DNAH2: variants seen among roughly 807,000 people sequenced by gnomAD.
DNAH2 encodes the protein dynein axonemal heavy chain 2, also known as axonemal beta dynein heavy chain 2.
Under a neutral mutation model 523.5 loss-of-function variants are expected in DNAH2, and 323 were observed. The ratio of observed to expected loss-of-function variants is 0.62; its 90% CI spans 0.56 to 0.68. The LOEUF (loss-of-function observed/expected upper bound fraction) is 0.68. Among genes scored for constraint, DNAH2 ranks in the 30% least tolerant of loss-of-function variants. The probability of loss-of-function intolerance (pLI) is 0.00; values close to 1 mark genes in which losing one functional copy is unlikely to be tolerated. For synonymous variants in DNAH2, 2,093 were observed against 2,177.4 expected, an observed-to-expected ratio of 0.96 and a Z score of 1.08; for missense variants, 4,907 against 5,701.5, an observed-to-expected ratio of 0.86 and a Z score of 4.49.
chr17:7,779,256 G>T lies in DNAH2; in HGVS notation c.5555G>T (p.Gly1852Val), dbSNP rs2076540275. 6.2e-7 allele frequency: 1 copy of T among 1,613,926 alleles called. No individual in the cohort carries two copies. The highest frequency in any genetic ancestry group is 1.7e-5 in the Admixed American group (1 of 60,000). The change falls in exon 36 of 86, where the codon GGC becomes GTC. Residue 1852 changes from glycine (G) to valine (V), a missense_variant. Gly to Val is a moderately radical substitution (Grantham distance 109). Coordinates refer to ENST00000572933, the MANE Select transcript of DNAH2 (RefSeq NM_020877.5). ...TGCACCCCGCAGACTGGAGCTTGGG[G>T]CTGCTTTGATGAGTTTAACCGCATC... ...YSGLAQTGAWGCFDEFNRINI... is the reference protein window; with the variant it reads ...YSGLAQTGAWVCFDEFNRINI...
At position 7,797,442 on chromosome 17, in the gene DNAH2, C is replaced by T; in HGVS notation, c.7992C>T (p.Ala2664=). 6.2e-7 allele frequency: 1 copy of T among 1,614,192 alleles called. No homozygotes were observed. The highest frequency in any genetic ancestry group is 1.1e-5 in the South Asian group (1 of 91,090). The change falls in exon 52 of 86, where the codon GCC becomes GCT. Residue 2664 remains alanine, a synonymous_variant. Transcript: ENST00000572933. ...DRLVDAADTE[A]FMGIISDKLG... ...TGGTTGATGCGGCAGACACAGAAGC[C>T]TTCATGGGCATCATAAGCGACAAGC...
chr17:7,780,051 G>C lies in DNAH2; in HGVS notation c.5723-106G>C. The C allele has an allele frequency of 7.0e-7, 1 of 1,431,058 alleles. No individual in the cohort carries two copies. The highest frequency in any genetic ancestry group is 9.5e-7 in the Non-Finnish European group (1 of 1,053,338). The allele number at this position is 1,431,058 out of a possible 1,614,324, so 88.6% of individuals were successfully genotyped here. On this transcript the variant is annotated intron_variant, in intron 36 of 85. Coordinates refer to ENST00000572933, the MANE Select transcript of DNAH2 (RefSeq NM_020877.5). This position sits in a 1 kb window ranked among gnomAD's most constrained non-coding sequence, Gnocchi z 4.4. Reference sequence around the variant, plus strand: ...TCTTGGAGTTGGAGAGAAAGTTAGGGATGGAGTTAGGGTGGGAGAAAATGA... The same window carrying C: ...TCTTGGAGTTGGAGAGAAAGTTAGGCATGGAGTTAGGGTGGGAGAAAATGA...
intron 39 of DNAH2, among the ~76,000 whole-genome samples, chr17:7,784,171 C>G (rs1016864265): frequency 3.9e-5 from 6 of 152,006 alleles, no homozygotes; most frequent in Admixed American, 3.9e-4. Flanking sequence ...TATAACAATT[C>G]TAGATTTTTG....
chr17:7,782,760 G>A (rs1044290837), intron 39 of DNAH2, among the ~76,000 whole-genome samples: 3 of 151,954 alleles, frequency 2.0e-5, no homozygotes, highest in African/African-American at 7.3e-5. Context: ...TAGGCTAGGA[G>A]TTCAAGACCA....
rs1031670185 is a variant in DNAH2, at chr17:7,733,308, C to A, written c.621C>A (p.Cys207Ter). The A allele has an allele frequency of 6.2e-7, 1 of 1,613,882 alleles. No homozygotes were observed. The highest frequency in any genetic ancestry group is 1.3e-5 in the African/African-American group (1 of 75,012). Residue 207 changes from cysteine to a stop codon, truncating the protein, a stop_gained, in exon 5 of 86, where the codon TGC becomes TGA. Transcript: ENST00000572933. LOFTEE classifies it high-confidence loss of function. ...FASHLHKFLA[C>*]LTDTRYKLEG... ...CTCATCTGCACAAGTTCTTGGCCTG[C>A]CTGACAGGTAAGTGGGAAGACCGGA... is the stretch of plus-strand genomic sequence containing the variant.
In DNAH2 at chr17:7,807,516, T is replaced by A. The variant is rs766876763; in HGVS notation, c.9659T>A (p.Met3220Lys). 8 of 1,613,492 alleles carry A rather than the reference T, an allele frequency of 5.0e-6. No individual in the cohort carries two copies. In the African/African-American group the frequency reaches 9.3e-5, roughly 19 times the overall value. Residue 3220 changes from methionine to lysine, a missense_variant, in exon 63 of 86, where the codon ATG (methionine) becomes AAG (lysine). Met to Lys is a moderately conservative substitution (Grantham distance 95). This residue lies in a region of DNAH2 where 1,851 missense variants were observed against 2,139.4 expected (regional missense o/e 0.87). Coordinates refer to ENST00000572933, the MANE Select transcript of DNAH2 (RefSeq NM_020877.5). This position sits in a 1 kb window ranked among gnomAD's most constrained non-coding sequence, Gnocchi z 5.6. ...GTGGTGGAGCCCAAGCGAATCCGAATGAACGCTGCCTTGGCTCAGCTTCGG... is the reference window on the plus strand; with the variant it reads ...GTGGTGGAGCCCAAGCGAATCCGAAAGAACGCTGCCTTGGCTCAGCTTCGG... ...YRVVEPKRIR[M>K]NAALAQLREK...
Position 7,723,212 on chromosome 17 carries a change from C to T in DNAH2, c.167-416C>T, listed in dbSNP as rs559571980. Among the ~76,000 whole-genome samples, 695 of 148,576 alleles carry T rather than the reference C, an allele frequency of 4.7e-3. 10 individuals are homozygous for T. Among genetic ancestry groups the T allele is most frequent in the Non-Finnish European group, 3.7e-3 (249 of 67,350 alleles). ...GTCTTGATCTCCTGACCTCATGATC[C>T]GCCCGCCTTGGCCTCCCAAAGTGCT... On this transcript the variant is annotated intron_variant, in intron 2 of 85. Coordinates refer to ENST00000572933, the MANE Select transcript of DNAH2 (RefSeq NM_020877.5).
rs777959842 is a variant in DNAH2 at position 7,787,909 on chromosome 17, C to T, written c.6653C>T (p.Thr2218Ile). 2.5e-6 allele frequency: 4 copies of T among 1,614,064 alleles called. No homozygotes were observed. The Admixed American group carries it at 6.7e-5, about 27-fold the overall frequency. Residue 2218 changes from threonine to isoleucine, a missense_variant, in exon 43 of 86, where the codon ACT becomes ATT. Around this residue, in one of 3 missense-constraint regions of DNAH2, gnomAD observed 2,806 missense variants for 3,190.8 expected, o/e 0.88. Transcript: ENST00000572933. ...VEDLAMASPATVSRCGMVYTD... is the reference protein window; with the variant it reads ...VEDLAMASPAIVSRCGMVYTD... ...GACCTGGCAATGGCCTCTCCGGCCA[C>T]TGTATCCCGCTGCGGGATGGTCTAC...
chr17:7,778,201 G>A (rs1209657030), intron 34 of DNAH2, 21 bp downstream of exon 34: 2 of 1,614,192 alleles, frequency 1.2e-6, no homozygotes. Context: ...TGGGATGAAT[G>A]AGGTGGCTGG....
intron 12 of DNAH2, among the ~76,000 whole-genome samples, chr17:7,748,334 T>C (rs946240552): frequency 1.3e-5 from 2 of 152,186 alleles, no homozygotes; most frequent in African/African-American, 4.8e-5. Context: ...AGCTTCTCTC[T>C]CTTTTTTCCC....
At position 7,797,776 on chromosome 17, in the gene DNAH2, C is replaced by T. The variant is rs775240477; in HGVS notation, c.8177C>T (p.Ser2726Leu). Residue 2726 changes from serine (S) to leucine (L), a missense_variant, in exon 53 of 86, where the codon TCA becomes TTA. Coordinates refer to ENST00000572933, the MANE Select transcript of DNAH2 (RefSeq NM_020877.5). ...ACAGCTCTAAATGAGTATAACCTGT[C>T]ACCCTCTGTCGTGCCCATGCAGCTA... ...METALNEYNL[S>L]PSVVPMQLVL... 9.3e-6 allele frequency: 15 copies of T among 1,614,102 alleles called. No individual in the cohort carries two copies. The highest frequency in any genetic ancestry group is 1.0e-5 in the Non-Finnish European group (12 of 1,180,012).
Position 7,754,716 on chromosome 17 carries a change from C to G in DNAH2, c.1905-2375C>G. 3 of 1,154,908 alleles carry G rather than the reference C, an allele frequency of 2.6e-6. No individual in the cohort carries two copies. The highest frequency in any genetic ancestry group is 2.4e-5 in the East Asian group (1 of 42,454). 71.5% of individuals were successfully genotyped at this position (1,154,908 alleles called of 1,614,324 possible). A position where few individuals can be genotyped will look rare whatever the true frequency, so the allele number is the denominator to read the frequency against. On this transcript the variant is annotated intron_variant, in intron 12 of 85. Transcript: ENST00000572933. The surrounding 1 kb of genome is among the most constrained non-coding windows in gnomAD (Gnocchi z 4.6). ...CAACCTTGGGAAGCTTGCTCGTGCC[C>G]GCATGGCCAAGGGGCTCAGGCTGTG...
At chr17:7,779,095 A>AAC (rs1299379379) in intron 35 of DNAH2, 148 bp from the exon 36 acceptor site, 1 of 835,194 alleles carries the variant, frequency 1.2e-6, no homozygotes, top group Non-Finnish European at 1.8e-6. Context: ...CAGAAGCTAC[A>AAC]ACAGTGTACT....
At chr17:7,817,174 G>C in intron 64 of DNAH2, 116 bp from the exon 65 acceptor site, 2 of 1,403,478 alleles carry the variant, frequency 1.4e-6, no homozygotes. Flanking sequence ...GTTTAGGGGA[G>C]GGAAAGATCC....
chr17:7,817,353 T>C lies in DNAH2; in HGVS notation c.9958T>C (p.Tyr3320His). The change falls in exon 65 of 86, where the codon TAC becomes CAC. Residue 3320 changes from tyrosine (Y) to histidine (H), a missense_variant. Tyr to His is a moderately conservative substitution (Grantham distance 83). Transcript: ENST00000572933. ...DCLLAAAFLS[Y>H]MGPFLTNYRD... Reference sequence around the variant, plus strand: ...TCTCCTGGCAGCTGCCTTCCTGTCCTACATGGGACCCTTCCTGACCAACTA... The same window carrying C: ...TCTCCTGGCAGCTGCCTTCCTGTCCCACATGGGACCCTTCCTGACCAACTA... 6.2e-7 allele frequency: 1 copy of C among 1,611,446 alleles called. No individual in the cohort carries two copies. Among genetic ancestry groups the C allele is most frequent in the Non-Finnish European group, 8.5e-7 (1 of 1,179,288 alleles).
Position 7,798,187 on chromosome 17 carries a change from C to T in DNAH2, c.8261C>T (p.Pro2754Leu), listed in dbSNP as rs775690727. Residue 2754 changes from proline to leucine, a missense_variant, in exon 54 of 86, where the codon CCT becomes CTT. Transcript: ENST00000572933. The surrounding 1 kb of genome is among the most constrained non-coding windows in gnomAD (Gnocchi z 5.5). ...CGGATCGTGCGGGTCATTGGACAGC[C>T]TCGGGGCAACATGCTCCTGGTGGGT... ...ITRIVRVIGQ[P>L]RGNMLLVGIG... 1 of 1,609,966 alleles carries T rather than the reference C, an allele frequency of 6.2e-7. No homozygotes were observed. Among genetic ancestry groups the T allele is most frequent in the Admixed American group, 1.7e-5 (1 of 59,884 alleles).
At chr17:7,742,883 G>GCGTATCATTAAAAA in intron 11 of DNAH2, 45 bp from the exon 12 acceptor site, 1 of 1,323,120 alleles carries the variant, frequency 7.6e-7, no homozygotes, top group South Asian at 2.5e-5. Context: ...GCCCCTGGAG[G>GCGTATCATTAAAAA]AAGGTGGCAG....
At position 7,770,287 on chromosome 17, in the gene DNAH2, A is replaced by G. The variant is rs11868946; in HGVS notation, c.3977A>G (p.Glu1326Gly). ...WDQVRDEIQR[E>G]FDQESESFTL... ...CAGGTCCGGGATGAGATCCAGCGGG[A>G]GTTTGATCAGGAATCTGAAAGCTTC... The change falls in exon 25 of 86, where the codon GAG becomes GGG. Residue 1326 changes from glutamate (E) to glycine (G), a missense_variant. This residue lies in a region of DNAH2 where 2,806 missense variants were observed against 3,190.8 expected (regional missense o/e 0.88). Transcript: ENST00000572933. The G allele has an allele frequency of 0.017, 27,448 of 1,613,122 alleles. 1,540 individuals carry two copies. The East Asian group carries it at 0.21, about 12-fold the overall frequency.
chr17:7,812,297 A>C (rs2077537979), intron 63 of DNAH2, among the ~76,000 whole-genome samples: 1 of 152,170 alleles, frequency 6.6e-6, no homozygotes, highest in East Asian at 1.9e-4. Context: ...AAATACATAT[A>C]AAATATATCA....
Sources: allele counts gnomAD v4.1 joint callset (sites outside exome capture counted in the v4.1 genomes callset), GRCh38; gene constraint gnomAD v4.1.1; regional missense constraint gnomAD v4.1.1; non-coding constraint Gnocchi (gnomAD v3.1); transcripts MANE v1.5; gene names NCBI Gene and HGNC (gene_info 2026-07-23, HGNC 2026-07-21).